The following ATRX variants were observed in gnomAD, a reference collection of about 807,000 sequenced individuals.
ATRX encodes the protein chromatin remodeler ATRX.
ATRX carries 12 observed loss-of-function variants against 172.6 expected under a neutral mutation model. The ratio of observed to expected loss-of-function variants is 0.07; its 90% CI spans 0.04 to 0.11. The LOEUF is 0.11. Ranked by LOEUF, ATRX falls within the 10% of genes least tolerant of loss-of-function variation. ATRX has a pLI of 1.00. For synonymous variants in ATRX, 674 were observed against 594.7 expected, an observed-to-expected ratio of 1.13 and a Z score of -1.94; for missense variants, 1,368 against 1,767.4, an observed-to-expected ratio of 0.77 and a Z score of 4.05.
In ATRX at chrX:77,681,819, G is replaced by A. The variant is rs368828845; in HGVS notation, c.3437C>T (p.Thr1146Ile). ...TGATGAGCCACTTTGTATTTCCTTA[G>A]TATTTCTCTTTGAACTTAAATTTCT... ...ERRNLSSKRN[T>I]KEIQSGSSSS... Residue 1146 changes from threonine to isoleucine, a missense_variant, in exon 9 of 35, where the codon ACT (threonine) becomes ATT (isoleucine). Thr to Ile is a moderately conservative substitution (Grantham distance 89). This residue lies in a region of ATRX where 843 missense variants were observed against 643.1 expected (regional missense o/e 1.31). Coordinates refer to ENST00000373344, the MANE Select transcript of ATRX (RefSeq NM_000489.6). 8 of 1,199,993 alleles carry A rather than the reference G, an allele frequency of 6.7e-6. No homozygotes were observed. Among genetic ancestry groups the A allele is most frequent in the Non-Finnish European group, 9.0e-6 (8 of 891,148 alleles).
At chrX:77,595,985 T>A (rs1268782555) in intron 25 of ATRX, 1 of 111,518 alleles carries the variant, frequency 9.0e-6, no homozygotes, top group Non-Finnish European at 1.9e-5. Context: ...CATTTCGTGA[T>A]CATGAACTCT....
intron 26 of ATRX, 24 bp downstream of exon 26, chrX:77,593,672 T>C (rs782680723): frequency 1.7e-6 from 2 of 1,178,338 alleles, no homozygotes; most frequent in East Asian, 3.0e-5. Context: ...TTAATTTATA[T>C]AATAAATATG....
At chrX:77,549,974 T>C (rs1557055101) in intron 30 of ATRX, among the ~76,000 whole-genome samples, 4 of 111,111 alleles carry the variant, frequency 3.6e-5, no homozygotes, top group African/African-American at 9.8e-5. Flanking sequence ...TGAAATGAAA[T>C]GAAATGAAAT....
chrX:77,607,221 T>C (rs782757208), intron 22 of ATRX, among the ~76,000 whole-genome samples: 1 of 111,793 alleles, frequency 8.9e-6, no homozygotes, highest in South Asian at 3.7e-4. Context: ...GACATGACCT[T>C]ATATTTGGGA....
chrX:77,586,439 A>G (rs934102651), intron 27 of ATRX, among the ~76,000 whole-genome samples: 6 of 112,364 alleles, frequency 5.3e-5, no homozygotes, highest in African/African-American at 1.9e-4. Context: ...ACAGAAACAT[A>G]GCCATCAGTC....
Position 77,682,322 on chromosome X carries a change from A to C in ATRX, c.2934T>G (p.Ser978=). ...TTTTGCTCTGCTTTTTATCATCTTCAGAAGTTTCATCGCTCTGGTCTTTCT... is the reference window on the plus strand; with the variant it reads ...TTTTGCTCTGCTTTTTATCATCTTCCGAAGTTTCATCGCTCTGGTCTTTCT... ...FLKKDQSDET[S]EDDKKQSKKG... Residue 978 remains serine (S), a synonymous_variant, in exon 9 of 35, where the codon TCT becomes TCG. Coordinates refer to ENST00000373344, the MANE Select transcript of ATRX (RefSeq NM_000489.6). 8.3e-7 allele frequency: 1 copy of C among 1,206,262 alleles called. No homozygotes were observed. The highest frequency in any genetic ancestry group is 1.1e-6 in the Non-Finnish European group (1 of 893,891).
At chrX:77,649,927 T>C (rs1444679907) in intron 15 of ATRX, among the ~76,000 whole-genome samples, 1 of 111,920 alleles carries the variant, frequency 8.9e-6, no homozygotes, top group Non-Finnish European at 1.9e-5. Context: ...TGGGGATAAA[T>C]TTTTTAAAAT....
intron 19 of ATRX, among the ~76,000 whole-genome samples, chrX:77,627,699 CA>C (rs782249390): frequency 0.042 from 3,089 of 72,821 alleles, 125 homozygotes; most frequent in African/African-American, 0.14. Flanking sequence ...CTGTCTCTAC[CA>C]AAAAAAAAAA....
chrX:77,550,402 G>A (rs1380131101), intron 30 of ATRX, among the ~76,000 whole-genome samples: 1 of 111,740 alleles, frequency 8.9e-6, no homozygotes, highest in African/African-American at 3.3e-5. Flanking sequence ...AAAGGCCTTT[G>A]ACAAAATTCA....
At chrX:77,752,347 A>C (rs2075332658) in intron 1 of ATRX, among the ~76,000 whole-genome samples, 1 of 112,086 alleles carries the variant, frequency 8.9e-6, no homozygotes, top group Admixed American at 9.5e-5. Context: ...ACTTTGCTGA[A>C]GTTGCTTATC....
intron 10 of ATRX, chrX:77,674,167 A>C (rs1478152300): frequency 2.7e-5 from 3 of 111,343 alleles, no homozygotes; most frequent in African/African-American, 6.5e-5. Flanking sequence ...AAAATTAGGA[A>C]GTTAGAAAAA....
intron 1 of ATRX, among the ~76,000 whole-genome samples, chrX:77,780,954 C>G (rs1557205269): frequency 9.1e-6 from 1 of 110,291 alleles, no homozygotes; most frequent in Non-Finnish European, 1.9e-5. Context: ...AAAATTAATG[C>G]TACAGACCAT....
intron 34 of ATRX, among the ~76,000 whole-genome samples, chrX:77,519,249 C>A (rs1386700123): frequency 1.8e-5 from 2 of 111,397 alleles, no homozygotes; most frequent in African/African-American, 6.5e-5. Context: ...GCAAGCTATC[C>A]AACTGACAAG....
intron 34 of ATRX, among the ~76,000 whole-genome samples, chrX:77,516,725 T>C: frequency 8.9e-6 from 1 of 112,088 alleles, no homozygotes; most frequent in East Asian, 2.8e-4. Context: ...TATTCTGCAC[T>C]ATAGACCAAA....
intron 34 of ATRX, 94 bp from the exon 35 acceptor site, chrX:77,508,723 C>T (rs782176810): frequency 8.7e-5 from 85 of 977,370 alleles, no homozygotes; most frequent in Middle Eastern, 3.6e-4. Context: ...AAGGGGGTAC[C>T]ATACCAAAAG....
At chrX:77,670,432 G>C (rs1290545929) in intron 10 of ATRX, among the ~76,000 whole-genome samples, 4 of 112,049 alleles carry the variant, frequency 3.6e-5, no homozygotes, top group Non-Finnish European at 5.6e-5. Context: ...TTTAATAAAT[G>C]TCATATATTT....
In ATRX at chrX:77,786,122, C is replaced by A. The variant is rs1454823299; in HGVS notation, c.-121G>T. The A allele has an allele frequency of 9.2e-6, 8 of 869,251 alleles. No individual in the cohort carries two copies. The highest frequency in any genetic ancestry group is 1.1e-5 in the Non-Finnish European group (7 of 623,183). The allele number at this position is 869,251 out of a possible 1,213,427, so 71.6% of individuals were successfully genotyped here. The stretch of plus-strand genomic sequence containing the variant: ...GTCGTCACTGTAGCTGCTGCTGGAA[C>A]CTCCCCACAGCTCAAAGGCCGCTAC... On this transcript the variant is annotated 5_prime_UTR_variant, in exon 1 of 35. Coordinates refer to ENST00000373344, the MANE Select transcript of ATRX (RefSeq NM_000489.6).
At chrX:77,723,232 A>T (rs2073865590) in intron 1 of ATRX, among the ~76,000 whole-genome samples, 1 of 111,519 alleles carries the variant, frequency 9.0e-6, no homozygotes, top group Non-Finnish European at 1.9e-5. Context: ...CGTAATGTAG[A>T]TGACGGGTTG....
At chrX:77,585,368 G>A in intron 27 of ATRX, among the ~76,000 whole-genome samples, 1 of 108,456 alleles carries the variant, frequency 9.2e-6, no homozygotes, top group African/African-American at 3.3e-5. Flanking sequence ...GAGGTCAAGA[G>A]TTTGAGACCA....
Sources: gnomAD v4.1 joint callset for allele counts (sites outside exome capture counted in the v4.1 genomes callset) on GRCh38, gnomAD v4.1.1 for gene constraint, gnomAD v4.1.1 regional missense constraint, MANE v1.5 for transcripts, NCBI Gene and HGNC (gene_info 2026-07-23, HGNC 2026-07-21) for gene names.